BROX: variants seen among roughly 807,000 people sequenced by gnomAD.
The protein encoded by BROX is BRO1 domain and CAAX motif containing, also known as BRO1 domain-containing protein BROX.
Under a neutral mutation model 61.0 loss-of-function variants are expected in BROX, and 53 were observed. That is an observed-to-expected ratio of 0.87 (90% CI 0.70 to 1.09). The LOEUF (loss-of-function observed/expected upper bound fraction) is 1.09, where lower values mean the gene tolerates loss of function less well. Among genes scored for constraint, BROX ranks in the 50% least tolerant of loss-of-function variants. The probability of loss-of-function intolerance (pLI) is 0.00; values close to 1 mark genes in which losing one functional copy is unlikely to be tolerated. For missense variants in BROX, 489 were observed against 472.0 expected (o/e 1.04, Z -0.33); for synonymous variants, 152 against 160.2 (o/e 0.95, Z 0.38).
chr1:222,724,963 T>G (rs1657395166), intron 6 of BROX, among the ~76,000 whole-genome samples: 1 of 152,024 alleles, frequency 6.6e-6, no homozygotes, highest in African/African-American at 2.4e-5. Context: ...CCAGCTAATT[T>G]TTTGTATTTT....
At chr1:222,714,490 G>A (rs1456794695) in intron 1 of BROX, among the ~76,000 whole-genome samples, 4 of 149,920 alleles carry the variant, frequency 2.7e-5, no homozygotes, top group South Asian at 2.1e-4. Flanking sequence ...GAGCCACCGC[G>A]CGTTTTTTTT....
At chr1:222,729,808 A>G (rs1284066058) in intron 10 of BROX, 107 bp downstream of exon 10, 2 of 1,160,520 alleles carry the variant, frequency 1.7e-6, no homozygotes, top group Non-Finnish European at 2.5e-6. Context: ...TGAAAGGGAA[A>G]TGGGAATGGG....
intron 12 of BROX, among the ~76,000 whole-genome samples, chr1:222,732,175 C>T (rs563749107): frequency 6.6e-5 from 10 of 152,130 alleles, no homozygotes; most frequent in African/African-American, 2.4e-4. Flanking sequence ...TAGCCTATTG[C>T]TGTCATAAGT....
chr1:222,729,982 A>G, intron 10 of BROX, 45 bp from the exon 11 acceptor site: 1 of 1,553,586 alleles, frequency 6.4e-7, no homozygotes, highest in Non-Finnish European at 8.7e-7. Context: ...ATAAATAGGC[A>G]GTGTTAATTA....
chr1:222,719,039 A>G lies in BROX; in HGVS notation c.208+8A>G. The G allele has an allele frequency of 6.3e-7, 1 of 1,598,342 alleles. No individual in the cohort carries two copies. On this transcript the variant is annotated splice_region_variant and intron_variant, in intron 3 of 12. Coordinates refer to ENST00000340934, the MANE Select transcript of BROX (RefSeq NM_144695.4). Reference sequence around the variant, plus strand: ...ATTTCTCACTTTTACAAGGTTAGTTATTTATATGAACTTGAGGTTTTTTAA... The same window carrying G: ...ATTTCTCACTTTTACAAGGTTAGTTGTTTATATGAACTTGAGGTTTTTTAA...
chr1:222,728,470 G>A (rs1019524106), intron 8 of BROX, among the ~76,000 whole-genome samples: 1 of 152,050 alleles, frequency 6.6e-6, no homozygotes, highest in African/African-American at 2.4e-5. Flanking sequence ...TCACCTTGAA[G>A]TTCTTGGTCA....
intron 6 of BROX, among the ~76,000 whole-genome samples, chr1:222,724,844 G>C (rs1189959450): frequency 6.6e-6 from 1 of 152,122 alleles, no homozygotes; most frequent in Non-Finnish European, 1.5e-5. Flanking sequence ...GCCCGGGCTG[G>C]AGTGCAGTGA....
At position 222,727,087 on chromosome 1, in the gene BROX, C is replaced by G. The variant is rs374109058; in HGVS notation, c.581-81C>G. The G allele has an allele frequency of 8.4e-6, 8 of 950,898 alleles. No individual in the cohort carries two copies. In the African/African-American group the frequency reaches 9.9e-5, roughly 12 times the overall value. The allele number at this position is 950,898 out of a possible 1,614,324, so 58.9% of individuals were successfully genotyped here. A position where few individuals can be genotyped will look rare whatever the true frequency, so the allele number is the denominator to read the frequency against. ...TTAAAATCCCAGAGAGATTATCAGA[C>G]TGTCTTTTGCTATTATAATTGAATT... On this transcript the variant is annotated intron_variant, in intron 7 of 12. Coordinates refer to ENST00000340934, the MANE Select transcript of BROX (RefSeq NM_144695.4).
intron 11 of BROX, 70 bp from the exon 12 acceptor site, chr1:222,731,287 G>A (rs543339741): frequency 7.7e-7 from 1 of 1,297,118 alleles, no homozygotes; most frequent in Admixed American, 2.8e-5. Context: ...TCCCAAACAG[G>A]ACCTTGAACA....
chr1:222,719,453 A>G, intron 4 of BROX, 94 bp downstream of exon 4: 1 of 855,556 alleles, frequency 1.2e-6, no homozygotes. Flanking sequence ...GAGAAGAAAA[A>G]TACAGGTCTG....
chr1:222,712,660 T>A lies in BROX; in HGVS notation c.-299T>A. 7.6e-7 allele frequency: 1 copy of A among 1,308,752 alleles called. No homozygotes were observed. Among genetic ancestry groups the A allele is most frequent in the Non-Finnish European group, 1.0e-6 (1 of 1,000,062 alleles). The allele number at this position is 1,308,752 out of a possible 1,614,324, so 81.1% of individuals were successfully genotyped here. On this transcript the variant is annotated 5_prime_UTR_variant, in exon 1 of 13. Transcript: ENST00000340934. ...TCCTGTCTGGGAAAAAGACCATAGC[T>A]CAAAAGGAAGGCCGAGGGAGAAGTT...
intron 4 of BROX, among the ~76,000 whole-genome samples, chr1:222,721,202 T>G (rs1252017362): frequency 2.0e-5 from 3 of 152,200 alleles, no homozygotes; most frequent in Non-Finnish European, 4.4e-5. Flanking sequence ...ATGTAATTCA[T>G]TTGATAGTTT....
At chr1:222,714,496 T>G (rs1185815998) in intron 1 of BROX, among the ~76,000 whole-genome samples, 1 of 151,502 alleles carries the variant, frequency 6.6e-6, no homozygotes, top group Non-Finnish European at 1.5e-5. Context: ...CCGCGCGTTT[T>G]TTTTTTTTTA....
chr1:222,724,229 T>G, intron 6 of BROX, 65 bp downstream of exon 6: 1 of 1,347,084 alleles, frequency 7.4e-7, no homozygotes, highest in Non-Finnish European at 1.0e-6. Flanking sequence ...AATTTTTCTT[T>G]TGGGAGGATA....
chr1:222,728,287 G>T (rs1657661598), intron 8 of BROX, among the ~76,000 whole-genome samples: 1 of 152,246 alleles, frequency 6.6e-6, no homozygotes, highest in South Asian at 2.1e-4. Context: ...ATAGATTTGA[G>T]AGATGTTTGG....
intron 6 of BROX, 35 bp from the exon 7 acceptor site, chr1:222,725,415 G>A: frequency 1.4e-6 from 2 of 1,453,618 alleles, no homozygotes; most frequent in Admixed American, 2.1e-5. Context: ...AAATTTGGCT[G>A]CTTTGTTTTT....
At chr1:222,720,684 G>T (rs1381928533) in intron 4 of BROX, among the ~76,000 whole-genome samples, 1 of 151,668 alleles carries the variant, frequency 6.6e-6, no homozygotes, top group Non-Finnish European at 1.5e-5. Flanking sequence ...GTGGTGGAAG[G>T]TACCTATAAT....
intron 1 of BROX, chr1:222,713,509 G>T (rs1347127289): frequency 2.2e-6 from 2 of 908,018 alleles, no homozygotes; most frequent in African/African-American, 1.8e-5. Flanking sequence ...TTACAGCTTC[G>T]ATCCGAATGT....
Position 222,712,869 on chromosome 1 carries a change from T to A in BROX, c.-90T>A. 7.9e-7 allele frequency: 1 copy of A among 1,271,266 alleles called. No individual in the cohort carries two copies. 78.7% of individuals were successfully genotyped at this position (1,271,266 alleles called of 1,614,324 possible). A position where few individuals can be genotyped will look rare whatever the true frequency, so the allele number is the denominator to read the frequency against. ...AGTCTCGGTTCTCCGACTCCCTCTT[T>A]TTCTCGCTTGTGGACTCCGATATAT... On this transcript the variant is annotated 5_prime_UTR_variant, in exon 1 of 13. Transcript: ENST00000340934.
Sources: allele counts gnomAD v4.1 joint callset (sites outside exome capture counted in the v4.1 genomes callset), GRCh38; gene constraint gnomAD v4.1.1; transcripts MANE v1.5; gene names NCBI Gene and HGNC (gene_info 2026-07-23, HGNC 2026-07-21).